CEP83: variants seen among roughly 807,000 people sequenced by gnomAD.
CEP83 encodes the protein centrosomal protein of 83 kDa.
Under a neutral mutation model 101.9 loss-of-function variants are expected in CEP83, and 70 were observed. That is an observed-to-expected ratio of 0.69 (90% CI 0.57 to 0.84). The LOEUF is 0.84. Among genes scored for constraint, CEP83 ranks in the 40% least tolerant of loss-of-function variants. The pLI, the probability that CEP83 is intolerant of heterozygous loss-of-function variation, is 0.00. For synonymous variants in CEP83, 264 were observed against 267.9 expected (o/e 0.99, Z 0.14); for missense variants, 715 against 787.2 (o/e 0.91, Z 1.10).
At chr12:94,351,763 G>A (rs1434311985) in intron 11 of CEP83, among the ~76,000 whole-genome samples, 2 of 152,118 alleles carry the variant, frequency 1.3e-5, no homozygotes, top group Non-Finnish European at 2.9e-5. Context: ...TATGGCAACA[G>A]CCACCACTGG....
At chr12:94,417,139 C>T (rs978176530) in intron 2 of CEP83, among the ~76,000 whole-genome samples, 5 of 151,888 alleles carry the variant, frequency 3.3e-5, no homozygotes, top group African/African-American at 1.2e-4. Context: ...CACAGTGAGA[C>T]CTTGTCTCAA....
intron 14 of CEP83, among the ~76,000 whole-genome samples, chr12:94,324,955 C>G (rs1349586541): frequency 5.3e-5 from 8 of 152,300 alleles, no homozygotes; most frequent in East Asian, 1.9e-4. Flanking sequence ...ATACCTCTTT[C>G]TATTCTAGCT....
intron 11 of CEP83, among the ~76,000 whole-genome samples, chr12:94,341,043 A>G (rs966796424): frequency 6.6e-6 from 1 of 152,250 alleles, no homozygotes. Flanking sequence ...TTGCTGTCAT[A>G]ACCAAAAGTT....
intron 1 of CEP83, among the ~76,000 whole-genome samples, chr12:94,446,756 C>T (rs918949794): frequency 6.6e-6 from 1 of 151,870 alleles, no homozygotes; most frequent in African/African-American, 2.4e-5. Context: ...ATACTGTACA[C>T]GAAATATGCA....
At chr12:94,418,746 C>T (rs552396358) in intron 2 of CEP83, among the ~76,000 whole-genome samples, 44 of 152,178 alleles carry the variant, frequency 2.9e-4, no homozygotes, top group South Asian at 1.0e-3. Flanking sequence ...GTAGTTGTTA[C>T]GCAATGCTGT....
At chr12:94,297,356 A>G in the CEP83 span, 1 of 1,614,070 alleles carries the variant, frequency 6.2e-7, no homozygotes, top group East Asian at 2.2e-5. Flanking sequence ...GTGCAAGGAA[A>G]GAGACATCGA....
intron 11 of CEP83, among the ~76,000 whole-genome samples, chr12:94,366,906 A>T (rs949769193): frequency 6.6e-6 from 1 of 152,170 alleles, no homozygotes; most frequent in South Asian, 2.1e-4. Context: ...AACTTGAAAG[A>T]TCTTCCAATA....
intron 14 of CEP83, among the ~76,000 whole-genome samples, chr12:94,330,164 G>C (rs2059141333): frequency 6.6e-6 from 1 of 152,132 alleles, no homozygotes; most frequent in Non-Finnish European, 1.5e-5. Flanking sequence ...GCACCTAGAA[G>C]CATTTTCCTC....
At chr12:94,455,431 T>G (rs765590791) in intron 1 of CEP83, among the ~76,000 whole-genome samples, 35 of 152,214 alleles carry the variant, frequency 2.3e-4, no homozygotes, top group Non-Finnish European at 4.7e-4. Context: ...AATGGCAAAT[T>G]CACTCAAGAA....
rs922686745 is a variant in CEP83, at chr12:94,308,911, GT to G, written c.2007del (p.Glu669AspfsTer14). ...AGTAGAGAGAGTTCCCTTTGATGTT[GT>G]TCCTCCTTAAAATGATGTAGAGAAA... The part of the protein sequence containing the change: ...ELPFPPHMQE[E>X]QHQRELSLLR... On this transcript the variant is annotated frameshift_variant, in exon 17 of 17. Coordinates refer to ENST00000397809, the MANE Select transcript of CEP83 (RefSeq NM_016122.3). LOFTEE classifies it high-confidence loss of function. 8.7e-6 allele frequency: 14 copies of G among 1,606,224 alleles called. No individual in the cohort carries two copies. The Admixed American group carries it at 1.5e-4, about 17-fold the overall frequency.
At chr12:94,299,139 A>G in the CEP83 span, among the ~76,000 whole-genome samples, 1 of 152,302 alleles carries the variant, frequency 6.6e-6, no homozygotes, top group Middle Eastern at 3.4e-3. Context: ...TTTATGATAA[A>G]CCATTTTTTG....
the CEP83 span, among the ~76,000 whole-genome samples, chr12:94,269,461 A>G: frequency 6.6e-6 from 1 of 152,224 alleles, no homozygotes; most frequent in South Asian, 2.1e-4. Flanking sequence ...CATATACAAC[A>G]GAGCCCTAGG....
the CEP83 span, among the ~76,000 whole-genome samples, chr12:94,273,543 C>T: frequency 1.3e-5 from 2 of 152,110 alleles, no homozygotes; most frequent in East Asian, 1.9e-4. Context: ...GTTTGAAAAC[C>T]CCCTGCCGAC....
chr12:94,358,366 T>C (rs1430360246), intron 11 of CEP83, among the ~76,000 whole-genome samples: 1 of 151,938 alleles, frequency 6.6e-6, no homozygotes, highest in Non-Finnish European at 1.5e-5. Context: ...AATTGCAAGG[T>C]TTGAAAGAAC....
At chr12:94,279,404 T>A in the CEP83 span, 2 of 1,418,088 alleles carry the variant, frequency 1.4e-6, no homozygotes, top group South Asian at 2.6e-5. Flanking sequence ...AAGGTTTGTG[T>A]CTTTTATGAA....
intron 11 of CEP83, among the ~76,000 whole-genome samples, chr12:94,346,505 C>T (rs994760027): frequency 4.6e-5 from 7 of 151,236 alleles, no homozygotes; most frequent in African/African-American, 2.4e-5. Context: ...TTTCCTTAAG[C>T]TTGTGAACCA....
At chr12:94,351,742 T>A (rs79671686) in intron 11 of CEP83, among the ~76,000 whole-genome samples, 2 of 152,108 alleles carry the variant, frequency 1.3e-5, no homozygotes, top group Non-Finnish European at 2.9e-5. Flanking sequence ...TAGGGACCAA[T>A]GATGGGCCCA....
intron 8 of CEP83, among the ~76,000 whole-genome samples, chr12:94,375,117 T>C (rs1014538003): frequency 6.6e-6 from 1 of 152,150 alleles, no homozygotes; most frequent in Non-Finnish European, 1.5e-5. Flanking sequence ...TCTTGGAGCT[T>C]ACATTGGGTT....
the CEP83 span, chr12:94,297,485 T>G: frequency 8.5e-5 from 94 of 1,111,180 alleles, no homozygotes; most frequent in African/African-American, 1.2e-3. Flanking sequence ...ATGTTTGACT[T>G]AATTTCCACT....
Sources: allele counts gnomAD v4.1 joint callset (sites outside exome capture counted in the v4.1 genomes callset), GRCh38; gene constraint gnomAD v4.1.1; transcripts MANE v1.5; gene names NCBI Gene and HGNC (gene_info 2026-07-23, HGNC 2026-07-21).